OXR1: variants seen among roughly 807,000 people sequenced by gnomAD.
The protein encoded by OXR1 is oxidation resistance 1, also known as oxidation resistance protein 1.
A neutral mutation model predicts 104.6 loss-of-function variants in OXR1; 41 were observed. The ratio of observed to expected loss-of-function variants is 0.39; its 90% confidence interval spans 0.31 to 0.51. OXR1 has a LOEUF of 0.51. Ranked by LOEUF, OXR1 falls within the 20% of genes least tolerant of loss-of-function variation. The pLI is 0.77. For synonymous variants in OXR1, 348 were observed against 348.4 expected, an observed-to-expected ratio of 1.00 and a Z score of 0.01; for missense variants, 955 against 1,031.9, an observed-to-expected ratio of 0.93 and a Z score of 1.02.
At chr8:106,392,288 G>T (rs1372673028) in intron 2 of OXR1, among the ~76,000 whole-genome samples, 1 of 152,166 alleles carries the variant, frequency 6.6e-6, no homozygotes, top group African/African-American at 2.4e-5. Flanking sequence ...TTACTCTAGT[G>T]GAGGACAATG....
In OXR1 at chr8:106,354,104, A is replaced by ATT. The variant is rs200247407; in HGVS notation, c.-138-5362_-138-5361dup. Among the ~76,000 whole-genome samples, 1,101 of 141,886 alleles carry ATT rather than the reference A, an allele frequency of 7.8e-3. 16 individuals are homozygous for ATT. Among genetic ancestry groups the ATT allele is most frequent in the African/African-American group, 0.027 (1,035 of 39,036 alleles). The allele number at this position is 141,886 out of a possible 152,430, so 93.1% of individuals were successfully genotyped here. A position where few individuals can be genotyped will look rare whatever the true frequency, so the allele number is the denominator to read the frequency against. ...AAATGTCCATTCAGGCCCTTTGCCC[A>ATT]TTTTTTTTTTTAATGTATAGTATAT... On this transcript the variant is annotated intron_variant, in intron 1 of 16. Coordinates refer to ENST00000517566, the MANE Select transcript of OXR1 (RefSeq NM_001198533.2).
At chr8:106,517,165 A>G (rs1812911491) in intron 2 of OXR1, among the ~76,000 whole-genome samples, 1 of 152,220 alleles carries the variant, frequency 6.6e-6, no homozygotes, top group Non-Finnish European at 1.5e-5. Flanking sequence ...AAACATTACC[A>G]GAATCCCATA....
intron 1 of OXR1, among the ~76,000 whole-genome samples, chr8:106,297,953 G>T (rs776525130): frequency 1.8e-4 from 27 of 152,156 alleles, no homozygotes; most frequent in Non-Finnish European, 3.4e-4. Context: ...TATTGCCCTG[G>T]CAGATACATA....
rs1817312660 is a variant in OXR1, at chr8:106,384,980, G to T, written c.23+25344G>T. Among the ~76,000 whole-genome samples the T allele has an allele frequency of 3.3e-5, 5 of 152,214 alleles. No homozygotes were observed. In the South Asian group the frequency reaches 1.0e-3, roughly 32 times the overall value. ...TTGGCCCACCTCAGCCTCCCAAAGT[G>T]CTGGGATTACAGGCATGAGCCACTG... On this transcript the variant is annotated intron_variant, in intron 2 of 16. Transcript: ENST00000517566.
chr8:106,357,483 G>A lies in OXR1; in HGVS notation c.-138-1993G>A, dbSNP rs76402582. ...CCAATATTATTATTCTGGCAGTCAG[G>A]GTCCAGCTAAAATTAGAATTCATTA... On this transcript the variant is annotated intron_variant, in intron 1 of 16. Transcript: ENST00000517566. Among the ~76,000 whole-genome samples the A allele has an allele frequency of 5.9e-5, 9 of 151,892 alleles. No individual in the cohort carries two copies. In the East Asian group the frequency reaches 1.4e-3, roughly 23 times the overall value.
chr8:106,675,602 A>G (rs988775003), intron 3 of OXR1, among the ~76,000 whole-genome samples: 1 of 152,134 alleles, frequency 6.6e-6, no homozygotes, highest in Non-Finnish European at 1.5e-5. Flanking sequence ...ATGTAATTGT[A>G]TAGTTTTGAG....
intron 1 of OXR1, among the ~76,000 whole-genome samples, chr8:106,345,497 AT>A (rs1815441414): frequency 6.6e-6 from 1 of 152,230 alleles, no homozygotes; most frequent in South Asian, 2.1e-4. Context: ...CATAACATTT[AT>A]ATAAGTGCAA....
intron 3 of OXR1, among the ~76,000 whole-genome samples, chr8:106,540,081 A>G (rs1340280317): frequency 2.0e-5 from 3 of 152,198 alleles, no homozygotes; most frequent in African/African-American, 7.2e-5. Flanking sequence ...CAGATTTCAG[A>G]ACACTTGGAC....
At chr8:106,584,332 G>C (rs1310494835) in intron 3 of OXR1, among the ~76,000 whole-genome samples, 1 of 151,852 alleles carries the variant, frequency 6.6e-6, no homozygotes, top group African/African-American at 2.4e-5. Context: ...GTTCGGGGGA[G>C]GGGGGAGAAA....
In OXR1 at chr8:106,588,822, A is replaced by G. The variant is rs1006507823; in HGVS notation, c.220+69683A>G. Among the ~76,000 whole-genome samples the G allele has an allele frequency of 6.6e-5, 10 of 152,316 alleles. No homozygotes were observed. The South Asian group carries it at 1.0e-3, about 16-fold the overall frequency. On this transcript the variant is annotated intron_variant, in intron 3 of 16. Coordinates refer to ENST00000517566, the MANE Select transcript of OXR1 (RefSeq NM_001198533.2). ...CAAGCAATTTCTTTTAATATGGTAT[A>G]ATAGTTAAAAGCTTCCTATCAGGGC...
chr8:106,700,635 G>A (rs1362183409), intron 7 of OXR1, among the ~76,000 whole-genome samples: 4 of 152,110 alleles, frequency 2.6e-5, no homozygotes, highest in South Asian at 2.1e-4. Flanking sequence ...CAAATGATTT[G>A]TATAGTTACA....
intron 1 of OXR1, among the ~76,000 whole-genome samples, chr8:106,349,191 G>GTTT (rs1187510150): frequency 6.6e-6 from 1 of 151,864 alleles, no homozygotes; most frequent in African/African-American, 2.4e-5. Context: ...TGATTATTAG[G>GTTT]TTTTTGATCA....
chr8:106,709,136 T>A (rs35108468), intron 9 of OXR1, among the ~76,000 whole-genome samples: 1 of 152,032 alleles, frequency 6.6e-6, no homozygotes, highest in Non-Finnish European at 1.5e-5. Flanking sequence ...TTTATAAAAA[T>A]CTTCTGGAAT....
intron 3 of OXR1, among the ~76,000 whole-genome samples, chr8:106,591,574 G>A (rs900816962): frequency 7.2e-5 from 11 of 152,000 alleles, no homozygotes; most frequent in Non-Finnish European, 5.9e-5. Flanking sequence ...TAAATTAAAT[G>A]TATAATTATA....
chr8:106,484,896 A>G (rs1192179246), intron 2 of OXR1, among the ~76,000 whole-genome samples: 1 of 152,114 alleles, frequency 6.6e-6, no homozygotes, highest in Admixed American at 6.6e-5. Flanking sequence ...AAGCAGCTAT[A>G]TTTATAATTA....
chr8:106,318,960 C>T (rs987215646), intron 1 of OXR1, among the ~76,000 whole-genome samples: 1 of 152,188 alleles, frequency 6.6e-6, no homozygotes, highest in Non-Finnish European at 1.5e-5. Context: ...CTGAGTCTAT[C>T]AATCTTATTG....
At chr8:106,490,636 G>C (rs1811020572) in intron 2 of OXR1, among the ~76,000 whole-genome samples, 1 of 152,154 alleles carries the variant, frequency 6.6e-6, no homozygotes. Flanking sequence ...AAAGTGCTGA[G>C]ATTACAGGAA....
chr8:106,567,200 G>A (rs1817145240), intron 3 of OXR1, among the ~76,000 whole-genome samples: 1 of 152,144 alleles, frequency 6.6e-6, no homozygotes, highest in African/African-American at 2.4e-5. Flanking sequence ...GTGCAGTGAG[G>A]AGAGAGAAGA....
rs1387273491 is a variant in OXR1 at position 106,582,044 on chromosome 8, A to T, written c.220+62905A>T. Among the ~76,000 whole-genome samples the T allele has an allele frequency of 1.6e-3, 235 of 142,678 alleles. 2 individuals carry two copies. Among genetic ancestry groups the T allele is most frequent in the African/African-American group, 5.8e-3 (223 of 38,468 alleles). The allele number at this position is 142,678 out of a possible 152,430, so 93.6% of individuals were successfully genotyped here. On this transcript the variant is annotated intron_variant, in intron 3 of 16. Transcript: ENST00000517566. ...GTCTCAAAAAAAAAAAAAAAAAAAA[A>T]CCTAAAAAACAACAACAACAAAAAG...
Sources: gnomAD v4.1 joint callset for allele counts (sites outside exome capture counted in the v4.1 genomes callset) on GRCh38, gnomAD v4.1.1 for gene constraint, MANE v1.5 for transcripts, NCBI Gene and HGNC (gene_info 2026-07-23, HGNC 2026-07-21) for gene names.